Variants in NEK10 observed in about 807,000 individuals in gnomAD.
NEK10 encodes the protein NIMA related kinase 10.
In NEK10, 122 loss-of-function variants were observed where a neutral mutation model predicts 159.8. The ratio of observed to expected loss-of-function variants is 0.76; its 90% CI spans 0.66 to 0.89. The LOEUF is 0.89. Ranked by LOEUF, NEK10 falls within the 40% of genes least tolerant of loss-of-function variation. The probability of loss-of-function intolerance (pLI) is 0.00; values close to 1 mark genes in which losing one functional copy is unlikely to be tolerated. For missense variants in NEK10, 1,342 were observed against 1,323.1 expected (o/e 1.01, Z -0.22); for synonymous variants, 466 against 457.1 (o/e 1.02, Z -0.25).
intron 23 of NEK10, among the ~76,000 whole-genome samples, chr3:27,245,638 T>C (rs1422014116): frequency 1.3e-5 from 2 of 152,158 alleles, no homozygotes; most frequent in African/African-American, 2.4e-5. Flanking sequence ...AGAGGAATGA[T>C]CAAGCAAACC....
chr3:27,234,477 G>A (rs1015440434), intron 23 of NEK10, among the ~76,000 whole-genome samples: 3 of 151,616 alleles, frequency 2.0e-5, no homozygotes, highest in African/African-American at 7.3e-5. Flanking sequence ...CAACAATCAG[G>A]CCAATATCCA....
chr3:27,362,913 C>A (rs1039341572), intron 1 of NEK10, among the ~76,000 whole-genome samples: 1 of 152,026 alleles, frequency 6.6e-6, no homozygotes, highest in Non-Finnish European at 1.5e-5. Context: ...CCAACTACAA[C>A]AAAAAAATCT....
intron 22 of NEK10, among the ~76,000 whole-genome samples, chr3:27,282,548 A>ATATATATATATATATACACATAACTGTGT (rs2042249469): frequency 9.9e-6 from 1 of 100,556 alleles, no homozygotes; most frequent in South Asian, 3.0e-4. Flanking sequence ...TTATATATAT[A>ATATATATATATATATACACATAACTGTGT]TATATATATA....
At chr3:27,161,759 T>C (rs1946030164) in intron 30 of NEK10, among the ~76,000 whole-genome samples, 1 of 152,144 alleles carries the variant, frequency 6.6e-6, no homozygotes, top group Non-Finnish European at 1.5e-5. Flanking sequence ...AACAATGTGA[T>C]ATGTCATTTT....
chr3:27,358,991 G>GGTC (rs1286556774), intron 1 of NEK10, among the ~76,000 whole-genome samples: 1 of 152,044 alleles, frequency 6.6e-6, no homozygotes, highest in African/African-American at 2.4e-5. Context: ...GATCACCCGA[G>GGTC]GTCAGTTCAA....
chr3:27,303,763 G>A (rs180938731), intron 12 of NEK10, among the ~76,000 whole-genome samples: 7 of 152,226 alleles, frequency 4.6e-5, no homozygotes, highest in East Asian at 1.9e-4. Context: ...CTGCAATATC[G>A]CTGGAAGCAT....
At chr3:27,229,062 C>T (rs931149697) in intron 23 of NEK10, among the ~76,000 whole-genome samples, 7 of 152,104 alleles carry the variant, frequency 4.6e-5, no homozygotes, top group African/African-American at 1.7e-4. Flanking sequence ...ATCATCAACT[C>T]AGTAAATAAA....
At chr3:27,206,468 G>T in intron 23 of NEK10, 2 of 381,394 alleles carry the variant, frequency 5.2e-6, no homozygotes, top group Non-Finnish European at 7.2e-6. Flanking sequence ...GTGGCAAGTT[G>T]CAATATTAGA....
At chr3:27,264,460 T>C (rs757285290) in intron 22 of NEK10, among the ~76,000 whole-genome samples, 3 of 152,224 alleles carry the variant, frequency 2.0e-5, no homozygotes, top group African/African-American at 4.8e-5. Context: ...GTGGGGTTTA[T>C]GCCAGGAATA....
At position 27,312,093 on chromosome 3, in the gene NEK10, A is replaced by T. The variant is rs754562765; in HGVS notation, c.568+6T>A. On this transcript the variant is annotated splice_donor_region_variant and intron_variant, in intron 8 of 35. Transcript: ENST00000691995. ...AAAATGGCTGTGTCCCTGCAATAACACTTACATGTCATGTTGACCAGCTTG... is the reference window on the plus strand; with the variant it reads ...AAAATGGCTGTGTCCCTGCAATAACTCTTACATGTCATGTTGACCAGCTTG... 3.7e-6 allele frequency: 6 copies of T among 1,602,314 alleles called. No individual in the cohort carries two copies. Among genetic ancestry groups the T allele is most frequent in the Admixed American group, 1.7e-5 (1 of 59,850 alleles).
rs564935335 is a variant in NEK10 at position 27,188,330 on chromosome 3, A to C, written c.2505+3699T>G. ...ATCTTGTCTTTCCAAGTAGATTATCAGTTACTTCATGAATGGGGTCATTGT... is the reference window on the plus strand; with the variant it reads ...ATCTTGTCTTTCCAAGTAGATTATCCGTTACTTCATGAATGGGGTCATTGT... On this transcript the variant is annotated intron_variant, in intron 26 of 35. Transcript: ENST00000691995. Among the ~76,000 whole-genome samples, 4 of 152,304 alleles carry C rather than the reference A, an allele frequency of 2.6e-5. No individual in the cohort carries two copies. In the South Asian group the frequency reaches 8.3e-4, roughly 32 times the overall value.
chr3:27,234,684 C>G (rs1197878955), intron 23 of NEK10, among the ~76,000 whole-genome samples: 2 of 152,114 alleles, frequency 1.3e-5, no homozygotes, highest in African/African-American at 4.8e-5. Context: ...AATGGCCATA[C>G]TGCCCAAAGC....
rs1952018703 is a variant in NEK10, at chr3:27,220,812, A to G, written c.2091-18255T>C. Among the ~76,000 whole-genome samples, 3 of 152,222 alleles carry G rather than the reference A, an allele frequency of 2.0e-5. No homozygotes were observed. The South Asian group carries it at 6.2e-4, about 32-fold the overall frequency. ...AATTAACACTGTGTGAGACTGGCATAAGGATATGCATATAGATTGATAAAA... is the reference window on the plus strand; with the variant it reads ...AATTAACACTGTGTGAGACTGGCATGAGGATATGCATATAGATTGATAAAA... On this transcript the variant is annotated intron_variant, in intron 23 of 35. Transcript: ENST00000691995.
At chr3:27,160,041 A>G (rs183118381) in intron 30 of NEK10, among the ~76,000 whole-genome samples, 1 of 152,196 alleles carries the variant, frequency 6.6e-6, no homozygotes, top group East Asian at 1.9e-4. Flanking sequence ...AAGTTCCAAC[A>G]TGTTCCTTTC....
In NEK10 at chr3:27,308,034, C is replaced by G. The variant is rs2044376417; in HGVS notation, c.717-89G>C. On this transcript the variant is annotated intron_variant, in intron 10 of 35. Transcript: ENST00000691995. ...TTTTTCAAACTGGTATAAAGAACTG[C>G]CTGAGACTGGGTGATTTATAAAGGA... 5.9e-6 allele frequency: 4 copies of G among 672,492 alleles called. No homozygotes were observed. The African/African-American group carries it at 7.3e-5, about 12-fold the overall frequency. 41.7% of individuals were successfully genotyped at this position (672,492 alleles called of 1,614,324 possible). A position where few individuals can be genotyped will look rare whatever the true frequency, so the allele number is the denominator to read the frequency against.
intron 32 of NEK10, among the ~76,000 whole-genome samples, chr3:27,130,918 G>A (rs144069781): frequency 2.0e-5 from 3 of 152,218 alleles, no homozygotes; most frequent in African/African-American, 7.2e-5. Flanking sequence ...CAGGCTTTAT[G>A]TTTTGTTTAC....
intron 33 of NEK10, among the ~76,000 whole-genome samples, chr3:27,116,746 G>A (rs1021790372): frequency 6.6e-6 from 1 of 151,736 alleles, no homozygotes; most frequent in African/African-American, 2.4e-5. Context: ...TCATCCTCTT[G>A]CCTACAGCCT....
chr3:27,277,133 G>C (rs1386081415), intron 22 of NEK10, among the ~76,000 whole-genome samples: 2 of 152,000 alleles, frequency 1.3e-5, no homozygotes, highest in Admixed American at 1.3e-4. Context: ...TCCCATCTTT[G>C]AATTTGGTAA....
chr3:27,239,793 T>C (rs1460418557), intron 23 of NEK10, among the ~76,000 whole-genome samples: 7 of 152,232 alleles, frequency 4.6e-5, no homozygotes, highest in African/African-American at 1.4e-4. Context: ...AGTGACCATT[T>C]GCTTTGCCTG....
Sources: gnomAD v4.1 joint callset for allele counts (sites outside exome capture counted in the v4.1 genomes callset) on GRCh38, gnomAD v4.1.1 for gene constraint, MANE v1.5 for transcripts, NCBI Gene and HGNC (gene_info 2026-07-23, HGNC 2026-07-21) for gene names.